Variants in PRKD1 observed in about 807,000 individuals in gnomAD.
The protein encoded by PRKD1 is serine/threonine-protein kinase D1.
PRKD1 carries 63 observed loss-of-function variants against 95.9 expected under a neutral mutation model. The observed-to-expected ratio is 0.66, with a 90% confidence interval of 0.54 to 0.81. The LOEUF is 0.81. Among genes scored for constraint, PRKD1 ranks in the 30% least tolerant of loss-of-function variants. The pLI, the probability that PRKD1 is intolerant of heterozygous loss-of-function variation, is 0.00. For synonymous variants in PRKD1, 425 were observed against 423.1 expected, an observed-to-expected ratio of 1.00 and a Z score of -0.05; for missense variants, 1,048 against 1,165.3, an observed-to-expected ratio of 0.90 and a Z score of 1.47.
intron 2 of PRKD1, among the ~76,000 whole-genome samples, chr14:29,718,487 G>A (rs1421887424): frequency 6.6e-6 from 1 of 152,090 alleles, no homozygotes; most frequent in Non-Finnish European, 1.5e-5. Flanking sequence ...ATAGCAGTGT[G>A]AAAATGGACT....
rs373568691 is a variant in PRKD1, at chr14:29,786,213, T to C, written c.265-60539A>G. On this transcript the variant is annotated intron_variant, in intron 1 of 17. Transcript: ENST00000331968. ...AATCCCACTTTGTCATGGAAGATTA[T>C]CTTATTGATGTGCTGTTGGATTAAT... 1.1e-4 allele frequency among the ~76,000 whole-genome samples: 16 copies of C among 152,334 alleles called. No individual in the cohort carries two copies. In the South Asian group the frequency reaches 1.7e-3, roughly 16 times the overall value.
chr14:29,806,259 T>C (rs1266013652), intron 1 of PRKD1, among the ~76,000 whole-genome samples: 1 of 152,220 alleles, frequency 6.6e-6, no homozygotes, highest in Non-Finnish European at 1.5e-5. Flanking sequence ...TCCTACAGGA[T>C]GGATTGGACA....
chr14:29,637,386 A>T (rs185116342), intron 6 of PRKD1, among the ~76,000 whole-genome samples: 31 of 152,352 alleles, frequency 2.0e-4, no homozygotes, highest in Admixed American at 1.0e-3. Flanking sequence ...TTACTTACTA[A>T]TGCAAAGTAC....
intron 4 of PRKD1, chr14:29,656,385 A>T: frequency 7.7e-7 from 1 of 1,295,170 alleles, no homozygotes; most frequent in Non-Finnish European, 1.1e-6. Context: ...TCATAAAGTC[A>T]GTACAGACAA....
At chr14:29,746,438 C>G (rs940633735) in intron 1 of PRKD1, among the ~76,000 whole-genome samples, 2 of 151,990 alleles carry the variant, frequency 1.3e-5, no homozygotes, top group Non-Finnish European at 2.9e-5. Flanking sequence ...GAACATTCTT[C>G]CACATAAAAG....
intron 1 of PRKD1, among the ~76,000 whole-genome samples, chr14:29,773,641 C>A (rs1030986798): frequency 6.6e-6 from 1 of 152,024 alleles, no homozygotes; most frequent in African/African-American, 2.4e-5. Context: ...CTCATACAAT[C>A]CAATCTTATT....
chr14:29,594,503 G>A (rs1893234111), intron 16 of PRKD1, among the ~76,000 whole-genome samples: 1 of 152,074 alleles, frequency 6.6e-6, no homozygotes, highest in African/African-American at 2.4e-5. Context: ...TCATTATGTA[G>A]GTGGGAATCA....
At chr14:29,635,040 A>G (rs567802737) in intron 7 of PRKD1, among the ~76,000 whole-genome samples, 1 of 152,174 alleles carries the variant, frequency 6.6e-6, no homozygotes, top group Non-Finnish European at 1.5e-5. Context: ...TCTGAAAAAA[A>G]AAAAAATTCC....
At chr14:29,645,243 T>G (rs1881049146) in intron 4 of PRKD1, among the ~76,000 whole-genome samples, 1 of 152,150 alleles carries the variant, frequency 6.6e-6, no homozygotes, top group Non-Finnish European at 1.5e-5. Context: ...AAAAATGATA[T>G]GCAGGATATC....
At chr14:29,678,020 T>C (rs1405069286) in intron 2 of PRKD1, among the ~76,000 whole-genome samples, 2 of 152,240 alleles carry the variant, frequency 1.3e-5, no homozygotes, top group African/African-American at 2.4e-5. Flanking sequence ...GTTGAATTTA[T>C]AAATAATTAT....
At chr14:29,899,772 T>C (rs1014075040) in intron 1 of PRKD1, among the ~76,000 whole-genome samples, 1 of 152,238 alleles carries the variant, frequency 6.6e-6, no homozygotes, top group Admixed American at 6.5e-5. Flanking sequence ...CTGCTTAGTA[T>C]GTGCAAAGCA....
At chr14:29,803,497 TAACTCTGAAGG>T (rs1890116813) in intron 1 of PRKD1, among the ~76,000 whole-genome samples, 3 of 152,198 alleles carry the variant, frequency 2.0e-5, no homozygotes, top group Admixed American at 6.5e-5. Flanking sequence ...ACATAGTTGG[TAACTCTGAAGG>T]AGTAAATGAC....
chr14:29,606,529 C>A (rs1267668337), intron 13 of PRKD1, among the ~76,000 whole-genome samples: 1 of 152,102 alleles, frequency 6.6e-6, no homozygotes, highest in Non-Finnish European at 1.5e-5. Flanking sequence ...TTCCTATGCT[C>A]TAGGAGACTT....
chr14:29,891,440 C>G (rs748253803), intron 1 of PRKD1, among the ~76,000 whole-genome samples: 10 of 152,214 alleles, frequency 6.6e-5, no homozygotes, highest in African/African-American at 2.4e-4. Context: ...CATGCATGCA[C>G]GCATGCACTA....
At chr14:29,901,140 T>C (rs919863654) in intron 1 of PRKD1, among the ~76,000 whole-genome samples, 1 of 152,204 alleles carries the variant, frequency 6.6e-6, no homozygotes, top group African/African-American at 2.4e-5. Flanking sequence ...ATTTACACCA[T>C]GGAATATTAC....
intron 1 of PRKD1, among the ~76,000 whole-genome samples, chr14:29,751,716 A>T (rs143807196): frequency 1.3e-3 from 192 of 152,322 alleles, no homozygotes; most frequent in African/African-American, 4.4e-3. Flanking sequence ...TCCTGTATCC[A>T]TATTGGTTCC....
Position 29,894,552 on chromosome 14 carries a change from T to C in PRKD1, c.264+32697A>G, listed in dbSNP as rs193033200. Among the ~76,000 whole-genome samples the C allele has an allele frequency of 1.8e-3, 273 of 152,362 alleles. 1 individual carries two copies. The highest frequency in any genetic ancestry group is 2.7e-3 in the Non-Finnish European group (181 of 68,036). ...AGCATGATTTAATGAGACCTACATT[T>C]GTACAAAATTATCTGTCTGCTAAGT... On this transcript the variant is annotated intron_variant, in intron 1 of 17. Coordinates refer to ENST00000331968, the MANE Select transcript of PRKD1 (RefSeq NM_002742.3).
chr14:29,616,166 A>G (rs1260456905), intron 13 of PRKD1, among the ~76,000 whole-genome samples: 1 of 135,932 alleles, frequency 7.4e-6, no homozygotes, highest in Non-Finnish European at 1.5e-5. Flanking sequence ...GAAAAATTGG[A>G]TCTTGTAAGT....
intron 1 of PRKD1, among the ~76,000 whole-genome samples, chr14:29,867,862 T>C (rs960121111): frequency 3.3e-4 from 50 of 152,208 alleles, no homozygotes; most frequent in Non-Finnish European, 1.9e-4. Context: ...AAATTAGTTT[T>C]AGAATACTTA....
Sources: allele counts gnomAD v4.1 joint callset (sites outside exome capture counted in the v4.1 genomes callset), GRCh38; gene constraint gnomAD v4.1.1; transcripts MANE v1.5; gene names NCBI Gene and HGNC (gene_info 2026-07-23, HGNC 2026-07-21).